FOXJ3: variants seen among roughly 807,000 people sequenced by gnomAD.
FOXJ3 encodes forkhead box J3.
A neutral mutation model predicts 76.1 loss-of-function variants in FOXJ3; 22 were observed. The observed-to-expected ratio is 0.29, with a 90% CI of 0.21 to 0.41. The LOEUF (loss-of-function observed/expected upper bound fraction) is 0.41. Ranked by LOEUF, FOXJ3 falls within the 10% of genes least tolerant of loss-of-function variation. FOXJ3 has a pLI of 1.00. For synonymous variants in FOXJ3, 269 were observed against 261.2 expected (o/e 1.03, Z -0.29); for missense variants, 613 against 762.1 (o/e 0.80, Z 2.30).
rs1279330537 is a variant in FOXJ3, at chr1:42,267,992, T to C, written c.370-2803A>G. 2.6e-5 allele frequency among the ~76,000 whole-genome samples: 4 copies of C among 151,684 alleles called. No individual in the cohort carries two copies. In the East Asian group the frequency reaches 7.7e-4, roughly 29 times the overall value. On this transcript the variant is annotated intron_variant, in intron 3 of 12. Coordinates refer to ENST00000361346, the MANE Select transcript of FOXJ3 (RefSeq NM_014947.5). ...AGATCATCCAAGAACTGTGTGATGA[T>C]AAATGCAATTAAAGTCCCAGAAGGA...
At position 42,278,343 on chromosome 1, in the gene FOXJ3, C is replaced by T. The variant is rs373617681; in HGVS notation, c.369+5G>A. 2.7e-4 allele frequency: 429 copies of T among 1,576,234 alleles called. No individual in the cohort carries two copies. Among genetic ancestry groups the T allele is most frequent in the Non-Finnish European group, 3.3e-4 (381 of 1,150,342 alleles). Reference sequence around the variant, plus strand: ...TAAAAGTAATAATTTAAATAAAATCCTTACCTTCCAACCACTGCCAGCCTC... The same window carrying T: ...TAAAAGTAATAATTTAAATAAAATCTTTACCTTCCAACCACTGCCAGCCTC... On this transcript the variant is annotated splice_donor_5th_base_variant and intron_variant, in intron 3 of 12. Transcript: ENST00000361346.
intron 3 of FOXJ3, among the ~76,000 whole-genome samples, chr1:42,276,450 A>C (rs896968107): frequency 6.6e-6 from 1 of 152,162 alleles, no homozygotes; most frequent in Non-Finnish European, 1.5e-5. Context: ...TAATGGATAA[A>C]AGTTTAAGAA....
chr1:42,298,642 T>C (rs1464614075), intron 2 of FOXJ3, among the ~76,000 whole-genome samples: 2 of 152,170 alleles, frequency 1.3e-5, no homozygotes, highest in Admixed American at 1.3e-4. Flanking sequence ...CTTTGTATCA[T>C]TTTTTTATCT....
chr1:42,185,370 G>T (rs1413259315), intron 11 of FOXJ3, among the ~76,000 whole-genome samples: 1 of 146,588 alleles, frequency 6.8e-6, no homozygotes, highest in Non-Finnish European at 1.5e-5. Flanking sequence ...CCATTCTCCT[G>T]CCTCAGCCTC....
At position 42,267,604 on chromosome 1, in the gene FOXJ3, G is replaced by A. The variant is rs115231228; in HGVS notation, c.370-2415C>T. ...CATAGAAAAGAAAGGAAAACTTACT[G>A]CCAAGAGATAAAATAATCAACAAAA... On this transcript the variant is annotated intron_variant, in intron 3 of 12. Coordinates refer to ENST00000361346, the MANE Select transcript of FOXJ3 (RefSeq NM_014947.5). 6.3e-3 allele frequency among the ~76,000 whole-genome samples: 958 copies of A among 151,936 alleles called. 6 individuals carry two copies. The highest frequency in any genetic ancestry group is 0.011 in the South Asian group (51 of 4,812).
chr1:42,192,271 T>C (rs531533308), intron 8 of FOXJ3, among the ~76,000 whole-genome samples: 2 of 152,222 alleles, frequency 1.3e-5, no homozygotes, highest in Admixed American at 6.5e-5. Context: ...TTATGCCAAA[T>C]AGGGAAGGGG....
intron 2 of FOXJ3, among the ~76,000 whole-genome samples, 193 bp from the exon 3 acceptor site, chr1:42,278,865 T>G (rs887374937): frequency 6.6e-6 from 1 of 152,204 alleles, no homozygotes. Flanking sequence ...TCTTAATTTT[T>G]TCCTCACCAA....
intron 4 of FOXJ3, among the ~76,000 whole-genome samples, chr1:42,235,370 C>T (rs935005624): frequency 6.6e-5 from 10 of 152,176 alleles, no homozygotes; most frequent in African/African-American, 2.2e-4. Context: ...TAATGCCTCG[C>T]CCTGCTTCGG....
chr1:42,198,175 T>C (rs781361613), intron 7 of FOXJ3, among the ~76,000 whole-genome samples: 8 of 152,190 alleles, frequency 5.3e-5, no homozygotes, highest in Non-Finnish European at 1.0e-4. Flanking sequence ...AATTCTCAGT[T>C]CTCCACATTT....
chr1:42,186,750 G>A lies in FOXJ3; in HGVS notation c.1645+1987C>T, dbSNP rs549059354. ...AACTACCAAGTTCCAAGACCAAAAG[G>A]TACACATAGACCTTTCTTACAGACT... On this transcript the variant is annotated intron_variant, in intron 11 of 12. Coordinates refer to ENST00000361346, the MANE Select transcript of FOXJ3 (RefSeq NM_014947.5). 1.6e-3 allele frequency among the ~76,000 whole-genome samples: 238 copies of A among 152,232 alleles called. 2 individuals carry two copies. The highest frequency in any genetic ancestry group is 5.1e-3 in the African/African-American group (211 of 41,494).
At chr1:42,331,783 T>C (rs1161322191) in intron 1 of FOXJ3, among the ~76,000 whole-genome samples, 1 of 151,386 alleles carries the variant, frequency 6.6e-6, no homozygotes, top group African/African-American at 2.4e-5. Flanking sequence ...ATACTTTAAA[T>C]GTGTGAATGA....
At chr1:42,330,903 G>A (rs1656120072) in intron 1 of FOXJ3, among the ~76,000 whole-genome samples, 1 of 152,102 alleles carries the variant, frequency 6.6e-6, no homozygotes, top group Non-Finnish European at 1.5e-5. Flanking sequence ...TCAAATTAGA[G>A]AATGTATGAG....
chr1:42,181,897 A>ACACACACT lies in FOXJ3; in HGVS notation c.1753+19_1753+20insAGTGTGTG. ...CACACACACACACACACACACACTC[A>ACACACACT]CTCTCTCTCTCTCTCTTACCTGCCA... On this transcript the variant is annotated intron_variant, in intron 12 of 12. Transcript: ENST00000361346. The ACACACACT allele has an allele frequency of 2.5e-6, 3 of 1,192,550 alleles. No homozygotes were observed. Among genetic ancestry groups the ACACACACT allele is most frequent in the African/African-American group, 3.4e-5 (2 of 59,068 alleles). The allele number at this position is 1,192,550 out of a possible 1,614,324, so 73.9% of individuals were successfully genotyped here.
At chr1:42,303,412 C>T (rs556108595) in intron 2 of FOXJ3, among the ~76,000 whole-genome samples, 68 of 152,280 alleles carry the variant, frequency 4.5e-4, no homozygotes, top group Non-Finnish European at 6.9e-4. Flanking sequence ...TATCTTAAGT[C>T]TATACACCAC....
chr1:42,262,639 A>G (rs982429232), intron 4 of FOXJ3, among the ~76,000 whole-genome samples: 7 of 152,210 alleles, frequency 4.6e-5, no homozygotes, highest in African/African-American at 1.7e-4. Flanking sequence ...ACTTGAGGTC[A>G]GGAGTTTGAC....
At chr1:42,189,252 G>T in intron 10 of FOXJ3, 51 bp downstream of exon 10, 1 of 1,107,452 alleles carries the variant, frequency 9.0e-7, no homozygotes, top group Non-Finnish European at 1.4e-6. Flanking sequence ...ATCTAGCAGA[G>T]AAACAGGATC....
intron 1 of FOXJ3, among the ~76,000 whole-genome samples, chr1:42,324,558 T>G (rs1196643763): frequency 6.6e-6 from 1 of 151,974 alleles, no homozygotes; most frequent in Non-Finnish European, 1.5e-5. Context: ...GTTAGGCGAT[T>G]TCATCACTGT....
intron 1 of FOXJ3, among the ~76,000 whole-genome samples, chr1:42,321,909 C>A (rs1655454139): frequency 6.6e-6 from 1 of 152,148 alleles, no homozygotes; most frequent in South Asian, 2.1e-4. Flanking sequence ...ATCATCAAGG[C>A]ATGATGCATT....
intron 4 of FOXJ3, among the ~76,000 whole-genome samples, chr1:42,245,763 G>A (rs1649503197): frequency 6.6e-6 from 1 of 152,110 alleles, no homozygotes; most frequent in Non-Finnish European, 1.5e-5. Context: ...TCAAGACAAG[G>A]ATGTCCACTT....
Sources: gnomAD v4.1 joint callset for allele counts (sites outside exome capture counted in the v4.1 genomes callset) on GRCh38, gnomAD v4.1.1 for gene constraint, MANE v1.5 for transcripts, NCBI Gene and HGNC (gene_info 2026-07-23, HGNC 2026-07-21) for gene names.